Variants in TPP2 observed in about 807,000 individuals in gnomAD.
TPP2 encodes tripeptidyl-peptidase 2.
TPP2 carries 34 observed loss-of-function variants against 155.9 expected under a neutral mutation model. That is an observed-to-expected ratio of 0.22 (90% CI 0.17 to 0.29). The LOEUF (loss-of-function observed/expected upper bound fraction) is 0.29. Ranked by LOEUF, TPP2 falls within the 10% of genes least tolerant of loss-of-function variation. TPP2 has a pLI of 1.00. For synonymous variants in TPP2, 510 were observed against 529.4 expected, an observed-to-expected ratio of 0.96 and a Z score of 0.50; for missense variants, 1,028 against 1,522.3, an observed-to-expected ratio of 0.68 and a Z score of 5.40.
At chr13:102,617,183 G>A (rs1320501137) in intron 4 of TPP2, among the ~76,000 whole-genome samples, 1 of 151,962 alleles carries the variant, frequency 6.6e-6, no homozygotes, top group Non-Finnish European at 1.5e-5. Flanking sequence ...CAAAGTGCTG[G>A]GATTACAGGC....
chr13:102,659,000 A>G (rs1884033616), intron 25 of TPP2, among the ~76,000 whole-genome samples: 1 of 152,216 alleles, frequency 6.6e-6, no homozygotes. Context: ...GGTGTCACTC[A>G]AAGAAAAACA....
intron 27 of TPP2, among the ~76,000 whole-genome samples, chr13:102,672,180 GCTAGGGA>G (rs1189561502): frequency 6.6e-6 from 1 of 152,128 alleles, no homozygotes; most frequent in African/African-American, 2.4e-5. Context: ...GAAACAGCAG[GCTAGGGA>G]CTGCCGGCAC....
intron 27 of TPP2, among the ~76,000 whole-genome samples, chr13:102,673,656 A>G (rs949070428): frequency 1.3e-5 from 2 of 152,224 alleles, no homozygotes; most frequent in Non-Finnish European, 2.9e-5. Flanking sequence ...TTCTACTGCT[A>G]AGCTTAGAAT....
rs563269884 is a variant in TPP2 at position 102,607,837 on chromosome 13, C to T, written c.294+2916C>T. 4.9e-5 allele frequency: 12 copies of T among 246,074 alleles called. No homozygotes were observed. The East Asian group carries it at 1.6e-3, about 33-fold the overall frequency. 15.2% of individuals were successfully genotyped at this position (246,074 alleles called of 1,614,324 possible). A position where few individuals can be genotyped will look rare whatever the true frequency, so the allele number is the denominator to read the frequency against. Reference sequence around the variant, plus strand: ...AACTCCTGACCTCAAGTGATCCACCCACCTCGACCTCCCAAAGTGCTGGTA... The same window carrying T: ...AACTCCTGACCTCAAGTGATCCACCTACCTCGACCTCCCAAAGTGCTGGTA... On this transcript the variant is annotated intron_variant, in intron 2 of 29. Transcript: ENST00000376052.
In TPP2 at chr13:102,649,464, A is replaced by G. The variant is rs1883352600; in HGVS notation, c.2930A>G (p.Lys977Arg). Residue 977 changes from lysine (K) to arginine (R), a missense_variant, in exon 23 of 30, where the codon AAG becomes AGG. Around this residue, in one of 7 missense-constraint regions of TPP2, gnomAD observed 179 missense variants for 274.7 expected, o/e 0.65. Coordinates refer to ENST00000376052, the MANE Select transcript of TPP2 (RefSeq NM_001330588.2). ...CYLAGSLTLS[K>R]TELGKKAGQS... Reference sequence around the variant, plus strand: ...CTTGCAGGATCCTTAACATTGTCAAAGACTGAACTAGGAAAGAAAGCTGTA... The same window carrying G: ...CTTGCAGGATCCTTAACATTGTCAAGGACTGAACTAGGAAAGAAAGCTGTA... The G allele has an allele frequency of 6.2e-7, 1 of 1,612,486 alleles. No homozygotes were observed. Among genetic ancestry groups the G allele is most frequent in the African/African-American group, 1.3e-5 (1 of 74,862 alleles).
Position 102,651,386 on chromosome 13 carries a change from A to T in TPP2, c.2980A>T (p.Lys994Ter). ...GCAGTCTGCAGCAAAACGACAAGGA[A>T]AATTTAAAAAGGTACTGATTGTCAG... ...AGQSAAKRQG[K>*]FKKDVIPVHY... Residue 994 changes from lysine (K) to a stop codon, truncating the protein, a stop_gained, in exon 24 of 30, where the codon AAA becomes TAA. Transcript: ENST00000376052. LOFTEE classifies it high-confidence loss of function. 6.3e-7 allele frequency: 1 copy of T among 1,581,254 alleles called. No homozygotes were observed. Among genetic ancestry groups the T allele is most frequent in the South Asian group, 1.2e-5 (1 of 86,362 alleles).
At chr13:102,651,311 T>C in intron 23 of TPP2, 48 bp from the exon 24 acceptor site, 1 of 1,553,918 alleles carries the variant, frequency 6.4e-7, no homozygotes, top group African/African-American at 1.4e-5. Flanking sequence ...GTCTCCATCC[T>C]GTGTAGATTA....
At chr13:102,649,343 C>A in intron 22 of TPP2, 65 bp from the exon 23 acceptor site, 1 of 1,531,042 alleles carries the variant, frequency 6.5e-7, no homozygotes, top group South Asian at 1.2e-5. Context: ...ATGTTTTTCC[C>A]CTTACTTGTC....
At chr13:102,599,374 T>C (rs375513106) in intron 1 of TPP2, among the ~76,000 whole-genome samples, 1 of 152,238 alleles carries the variant, frequency 6.6e-6, no homozygotes, top group Non-Finnish European at 1.5e-5. Flanking sequence ...GTACGGTGGC[T>C]TGCAAACGTG....
chr13:102,649,293 G>A (rs1397561262), intron 22 of TPP2, 115 bp from the exon 23 acceptor site: 1 of 1,443,166 alleles, frequency 6.9e-7, no homozygotes, highest in Non-Finnish European at 9.4e-7. Flanking sequence ...GATTTTTGAA[G>A]TCTTAGCTAT....
At position 102,610,255 on chromosome 13, in the gene TPP2, G is replaced by A. The variant is rs148900965; in HGVS notation, c.295-3846G>A. Reference sequence around the variant, plus strand: ...TATTCATTTATTTATTTATGACAGAGTCTTGCTCTGTCGTCCAGGCTGGAG... The same window carrying A: ...TATTCATTTATTTATTTATGACAGAATCTTGCTCTGTCGTCCAGGCTGGAG... On this transcript the variant is annotated intron_variant, in intron 2 of 29. Transcript: ENST00000376052. Among the ~76,000 whole-genome samples, 796 of 151,972 alleles carry A rather than the reference G, an allele frequency of 5.2e-3. 11 individuals carry two copies. Among genetic ancestry groups the A allele is most frequent in the African/African-American group, 0.018 (761 of 41,452 alleles).
intron 3 of TPP2, among the ~76,000 whole-genome samples, chr13:102,614,980 A>G (rs1270705872): frequency 6.6e-6 from 1 of 152,184 alleles, no homozygotes; most frequent in South Asian, 2.1e-4. Context: ...AGCTGATACA[A>G]GTACCTAATA....
intron 21 of TPP2, among the ~76,000 whole-genome samples, 172 bp from the exon 22 acceptor site, chr13:102,648,735 C>T (rs370101625): frequency 6.6e-5 from 10 of 152,070 alleles, no homozygotes; most frequent in African/African-American, 2.4e-4. Flanking sequence ...TGCTCACCAG[C>T]GTACTAGGGA....
At chr13:102,632,846 T>C (rs946741689) in intron 10 of TPP2, among the ~76,000 whole-genome samples, 17 of 152,226 alleles carry the variant, frequency 1.1e-4, no homozygotes, top group African/African-American at 4.1e-4. Context: ...GTTCAGGCAC[T>C]TTTGTAGCCT....
chr13:102,623,316 C>T (rs1414592198), intron 6 of TPP2, among the ~76,000 whole-genome samples: 3 of 152,202 alleles, frequency 2.0e-5, no homozygotes, highest in Admixed American at 6.5e-5. Context: ...GTGATCCTAG[C>T]ACCTTGGGAG....
At chr13:102,622,309 C>T (rs1426593202) in intron 5 of TPP2, among the ~76,000 whole-genome samples, 3 of 152,144 alleles carry the variant, frequency 2.0e-5, no homozygotes, top group African/African-American at 7.2e-5. Flanking sequence ...ATCAGGCTAT[C>T]TTCTAAAGTG....
intron 2 of TPP2, chr13:102,607,625 C>T (rs559188083): frequency 6.7e-6 from 3 of 446,064 alleles, no homozygotes; most frequent in South Asian, 3.2e-5. Flanking sequence ...CTTACTCTGT[C>T]GCCCAGGTTG....
chr13:102,615,249 G>C (rs1880630032), intron 3 of TPP2, among the ~76,000 whole-genome samples: 1 of 152,114 alleles, frequency 6.6e-6, no homozygotes, highest in African/African-American at 2.4e-5. Flanking sequence ...GCTAATTACT[G>C]CCTCAACCTC....
intron 24 of TPP2, among the ~76,000 whole-genome samples, chr13:102,653,024 G>T (rs1883619919): frequency 6.6e-6 from 1 of 152,192 alleles, no homozygotes; most frequent in Non-Finnish European, 1.5e-5. Flanking sequence ...CCTTTTGCAA[G>T]TTTGGGTAGA....
Sources: gnomAD v4.1 joint callset for allele counts (sites outside exome capture counted in the v4.1 genomes callset) on GRCh38, gnomAD v4.1.1 for gene constraint, gnomAD v4.1.1 regional missense constraint, MANE v1.5 for transcripts, NCBI Gene and HGNC (gene_info 2026-07-23, HGNC 2026-07-21) for gene names.